CYP4A11: variants seen among roughly 807,000 people sequenced by gnomAD.
CYP4A11 encodes cytochrome P450 4A11.
Under a neutral mutation model 57.7 loss-of-function variants are expected in CYP4A11, and 52 were observed. The observed-to-expected ratio is 0.90, with a 90% CI of 0.72 to 1.14. The LOEUF (loss-of-function observed/expected upper bound fraction) is 1.14. CYP4A11 is among the 50% of genes most tolerant of loss of function. The probability of loss-of-function intolerance (pLI) is 0.00; values close to 1 mark genes in which losing one functional copy is unlikely to be tolerated. For missense variants in CYP4A11, 641 were observed against 642.1 expected (o/e 1.00, Z 0.02); for synonymous variants, 228 against 247.1 (o/e 0.92, Z 0.72).
Position 46,937,978 on chromosome 1 carries a change from A to T in CYP4A11, c.337+18T>A, listed in dbSNP as rs775056217. ...AGAGGGAAGACACATTGCAGTTGGGATGGGGGTTCGATCTCACCTGATCTC... is the reference window on the plus strand; with the variant it reads ...AGAGGGAAGACACATTGCAGTTGGGTTGGGGGTTCGATCTCACCTGATCTC... On this transcript the variant is annotated intron_variant, in intron 2 of 11. Coordinates refer to ENST00000310638, the MANE Select transcript of CYP4A11 (RefSeq NM_000778.4). 15 of 1,613,466 alleles carry T rather than the reference A, an allele frequency of 9.3e-6. No homozygotes were observed. The highest frequency in any genetic ancestry group is 1.3e-5 in the Non-Finnish European group (15 of 1,179,922).
chr1:46,938,230 G>A (rs1323526527), intron 1 of CYP4A11, 93 bp from the exon 2 acceptor site: 53 of 1,514,138 alleles, frequency 3.5e-5, no homozygotes, highest in East Asian at 6.8e-5. Flanking sequence ...GCCATGTAGC[G>A]CAGGTTAGGG....
chr1:46,932,548 C>T (rs1371329747), intron 11 of CYP4A11: 12 of 1,427,842 alleles, frequency 8.4e-6, no homozygotes, highest in Non-Finnish European at 1.1e-5. Flanking sequence ...TTTGAAGAAG[C>T]AGAGGGAGCA....
intron 1 of CYP4A11, among the ~76,000 whole-genome samples, chr1:46,938,908 C>T (rs550445411): frequency 1.3e-5 from 2 of 152,336 alleles, no homozygotes; most frequent in East Asian, 1.9e-4. Context: ...CACCATCACC[C>T]GTTTGTTTCA....
At position 46,939,831 on chromosome 1, in the gene CYP4A11, G is replaced by A. The variant is rs542056337; in HGVS notation, c.195+1408C>T. Among the ~76,000 whole-genome samples, 23 of 145,592 alleles carry A rather than the reference G, an allele frequency of 1.6e-4. 4 individuals carry two copies. The South Asian group carries it at 2.4e-3, about 15-fold the overall frequency. ...GCAGAGGCAGGTAGTGAGGTAGTGA[G>A]TAACATATGGTAAAAGAGGAGAATG... is the stretch of plus-strand genomic sequence containing the variant. On this transcript the variant is annotated intron_variant, in intron 1 of 11. Coordinates refer to ENST00000310638, the MANE Select transcript of CYP4A11 (RefSeq NM_000778.4).
In CYP4A11 at chr1:46,934,955, C is replaced by T. The variant is rs9333008; in HGVS notation, c.790+45G>A. 5,680 of 1,597,474 alleles carry T rather than the reference C, an allele frequency of 3.6e-3. 135 individuals carry two copies. The African/African-American group carries it at 0.063, about 18-fold the overall frequency. ...GCTGAGGAGTCAGGGCAAGTTCTTT[C>T]GCTGTGCCTGGGAAAGGCTGGGAGA... On this transcript the variant is annotated intron_variant, in intron 6 of 11. Coordinates refer to ENST00000310638, the MANE Select transcript of CYP4A11 (RefSeq NM_000778.4).
rs771932669 is a variant in CYP4A11, at chr1:46,932,767, C to A, written c.1358G>T (p.Gly453Val). The change falls in exon 11 of 12, where the codon GGA becomes GTA. Residue 453 changes from glycine (G) to valine (V), a missense_variant. By Grantham distance (109) the Gly-to-Val change is moderately radical (BLOSUM62 -3). Coordinates refer to ENST00000310638, the MANE Select transcript of CYP4A11 (RefSeq NM_000778.4). ...ACCACACAGGACGTCTCACCTTGATCCTCCTGAGAAGGGCAGGAAAGCGTG... is the reference window on the plus strand; with the variant it reads ...ACCACACAGGACGTCTCACCTTGATACTCCTGAGAAGGGCAGGAAAGCGTG... ...HSHAFLPFSG[G>V]SRNCIGKQFA... is the part of the protein sequence containing the mutation. 4 of 1,614,194 alleles carry A rather than the reference C, an allele frequency of 2.5e-6. No homozygotes were observed. In the South Asian group the frequency reaches 4.4e-5, roughly 18 times the overall value.
intron 1 of CYP4A11, among the ~76,000 whole-genome samples, chr1:46,940,405 A>G (rs1259538151): frequency 6.6e-6 from 1 of 152,200 alleles, no homozygotes; most frequent in African/African-American, 2.4e-5. Context: ...AGCTTGCTCT[A>G]CACACCTGAG....
At chr1:46,940,597 C>T (rs1223376523) in intron 1 of CYP4A11, 2 of 878,534 alleles carry the variant, frequency 2.3e-6, no homozygotes, top group Non-Finnish European at 1.4e-6. Flanking sequence ...TGCAGGCTGC[C>T]CCCCTCATGT....
At chr1:46,930,861 C>G (rs1173483001) in intron 11 of CYP4A11, among the ~76,000 whole-genome samples, 1 of 152,140 alleles carries the variant, frequency 6.6e-6, no homozygotes, top group Non-Finnish European at 1.5e-5. Context: ...TGTTGCCCCA[C>G]CTGCCTCCCA....
Position 46,941,338 on chromosome 1 carries a change from G to A in CYP4A11, c.96C>T (p.Ile32=). Residue 32 remains isoleucine, a synonymous_variant, in exon 1 of 12, where the codon ATC becomes ATT. Transcript: ENST00000310638. ...TGTGCAGGTAGAGCTGAACTGCCTTGATCAGCAGCAGAAGCAGAATGAGCA... is the reference window on the plus strand; with the variant it reads ...TGTGCAGGTAGAGCTGAACTGCCTTAATCAGCAGCAGAAGCAGAATGAGCA... ...ASLLILLLLL[I]KAVQLYLHRQ... 1 of 1,614,166 alleles carries A rather than the reference G, an allele frequency of 6.2e-7. No individual in the cohort carries two copies. Among genetic ancestry groups the A allele is most frequent in the Non-Finnish European group, 8.5e-7 (1 of 1,180,030 alleles).
chr1:46,932,036 C>T (rs534878413), intron 11 of CYP4A11: 4 of 984,290 alleles, frequency 4.1e-6, no homozygotes, highest in Non-Finnish European at 1.2e-6. Context: ...ATGTTTTTGG[C>T]CAATATTGTG....
rs2148454123 is a variant in CYP4A11, at chr1:46,933,001, T to A, written c.1269A>T (p.Lys423Asn). 1 of 1,614,150 alleles carries A rather than the reference T, an allele frequency of 6.2e-7. No homozygotes were observed. The highest frequency in any genetic ancestry group is 8.5e-7 in the Non-Finnish European group (1 of 1,180,022). The change falls in exon 10 of 12, where the codon AAA (lysine) becomes AAT (asparagine). Residue 423 changes from lysine (K) to asparagine (N), a missense_variant. By Grantham distance (94) the Lys-to-Asn change is moderately conservative. Coordinates refer to ENST00000310638, the MANE Select transcript of CYP4A11 (RefSeq NM_000778.4). ...LSIYGLHHNP[K>N]VWPNPEVFDP... is the part of the protein sequence containing the mutation. ...CACATACCTCTGGGTTGGGCCACACTTTTGGGTTGTGGTGAAGGCCATAAA... is the reference window on the plus strand; with the variant it reads ...CACATACCTCTGGGTTGGGCCACACATTTGGGTTGTGGTGAAGGCCATAAA...
chr1:46,941,364 G>A lies in CYP4A11; in HGVS notation c.70C>T (p.Leu24=). Residue 24 remains leucine, a synonymous_variant, in exon 1 of 12, where the codon CTG becomes TTG. Coordinates refer to ENST00000310638, the MANE Select transcript of CYP4A11 (RefSeq NM_000778.4). ...ATCAGCAGCAGAAGCAGAATGAGCA[G>A]GGAGGCCGCTTGGAGGATTCCAGAG... ...DVSGILQAAS[L]LILLLLLIKA... is the part of the protein sequence containing the mutation. 6.2e-7 allele frequency: 1 copy of A among 1,614,170 alleles called. No individual in the cohort carries two copies.
At chr1:46,934,916 A>G in intron 6 of CYP4A11, 84 bp downstream of exon 6, 1 of 1,557,802 alleles carries the variant, frequency 6.4e-7, no homozygotes, top group Non-Finnish European at 8.7e-7. Flanking sequence ...CAGGGTTACT[A>G]GGGGCCTTCT....
At position 46,933,031 on chromosome 1, in the gene CYP4A11, G is replaced by C. The variant is rs2148454286; in HGVS notation, c.1239C>G (p.Leu413=). ...RSLPKGIMVL[L]SIYGLHHNPK... ...GGTTGTGGTGAAGGCCATAAATGGA[G>C]AGGAGGACCATGATACCTGTGGTGC... The change falls in exon 10 of 12, where the codon CTC becomes CTG. Residue 413 remains leucine (L), a synonymous_variant. Coordinates refer to ENST00000310638, the MANE Select transcript of CYP4A11 (RefSeq NM_000778.4). 4 of 1,614,226 alleles carry C rather than the reference G, an allele frequency of 2.5e-6. No homozygotes were observed. Among genetic ancestry groups the C allele is most frequent in the Non-Finnish European group, 3.4e-6 (4 of 1,180,050 alleles).
At chr1:46,933,437 A>C (rs1681160240) in intron 9 of CYP4A11, among the ~76,000 whole-genome samples, 1 of 152,174 alleles carries the variant, frequency 6.6e-6, no homozygotes, top group South Asian at 2.1e-4. Context: ...TCTCAGAGAG[A>C]CCAATTGTCT....
rs1423338428 is a variant in CYP4A11, at chr1:46,929,486, T to C, written c.*629A>G. The C allele has an allele frequency of 3.1e-5, 4 of 130,690 alleles. No individual in the cohort carries two copies. The highest frequency in any genetic ancestry group is 6.8e-5 in the Non-Finnish European group (4 of 58,806). 8.1% of individuals were successfully genotyped at this position (130,690 alleles called of 1,614,324 possible). On this transcript the variant is annotated 3_prime_UTR_variant, in exon 12 of 12. Transcript: ENST00000310638. Reference sequence around the variant, plus strand: ...CCCGAGCTCTGGAAGTGCAGATTATTTATTGGTGATCAAACAAAGAAACAG... The same window carrying C: ...CCCGAGCTCTGGAAGTGCAGATTATCTATTGGTGATCAAACAAAGAAACAG...
intron 9 of CYP4A11, among the ~76,000 whole-genome samples, chr1:46,933,673 T>C (rs1200041709): frequency 6.6e-6 from 1 of 152,216 alleles, no homozygotes; most frequent in Non-Finnish European, 1.5e-5. Flanking sequence ...TCTGATTCTC[T>C]TTCCAGCCCT....
chr1:46,940,992 C>T, intron 1 of CYP4A11: 1 of 985,304 alleles, frequency 1.0e-6, no homozygotes, highest in Middle Eastern at 5.2e-4. Context: ...GCAGGACTGC[C>T]AAGACACACT....
Sources: allele counts gnomAD v4.1 joint callset (sites outside exome capture counted in the v4.1 genomes callset), GRCh38; gene constraint gnomAD v4.1.1; transcripts MANE v1.5; gene names NCBI Gene and HGNC (gene_info 2026-07-23, HGNC 2026-07-21).